DCDC1: variants seen among roughly 807,000 people sequenced by gnomAD.
DCDC1 encodes the protein doublecortin domain containing 1.
A neutral mutation model predicts 178.3 loss-of-function variants in DCDC1; 200 were observed. The observed-to-expected ratio is 1.12, with a 90% CI of 1.00 to 1.26. DCDC1 has a LOEUF of 1.26. DCDC1 is among the 50% of genes most tolerant of loss of function. The probability of loss-of-function intolerance (pLI) is 0.00; values close to 1 mark genes in which losing one functional copy is unlikely to be tolerated. For synonymous variants in DCDC1, 690 were observed against 604.8 expected (o/e 1.14, Z -2.07); for missense variants, 1,983 against 1,749.2 (o/e 1.13, Z -2.38).
chr11:31,204,782 A>C (rs926829047), intron 9 of DCDC1, among the ~76,000 whole-genome samples: 1 of 152,244 alleles, frequency 6.6e-6, no homozygotes, highest in African/African-American at 2.4e-5. Context: ...AGATTGTGCC[A>C]CTGCACTCTA....
At chr11:31,069,113 A>G (rs1956415625) in intron 18 of DCDC1, among the ~76,000 whole-genome samples, 1 of 152,046 alleles carries the variant, frequency 6.6e-6, no homozygotes, top group Admixed American at 6.6e-5. Flanking sequence ...GGCCTCCCAA[A>G]GTGCTGGGAT....
chr11:31,170,244 T>C (rs1315838369), intron 9 of DCDC1, among the ~76,000 whole-genome samples: 1 of 152,184 alleles, frequency 6.6e-6, no homozygotes, highest in African/African-American at 2.4e-5. Flanking sequence ...ACACATGGTG[T>C]ATGCTGATGT....
intron 20 of DCDC1, among the ~76,000 whole-genome samples, chr11:31,038,640 G>T (rs944889190): frequency 6.6e-6 from 1 of 152,122 alleles, no homozygotes; most frequent in Non-Finnish European, 1.5e-5. Flanking sequence ...AAATTATTTT[G>T]TTTGACCTGT....
chr11:31,119,292 A>G (rs1960451969), intron 11 of DCDC1, among the ~76,000 whole-genome samples: 1 of 152,238 alleles, frequency 6.6e-6, no homozygotes, highest in Non-Finnish European at 1.5e-5. Context: ...CAAAATCACA[A>G]TAACCTTGAA....
intron 22 of DCDC1, among the ~76,000 whole-genome samples, chr11:30,930,365 GAATTCTATTGATGATATTATAGA>G (rs1332729625): frequency 6.6e-6 from 1 of 152,070 alleles, no homozygotes; most frequent in Non-Finnish European, 1.5e-5. Context: ...AGGGGTGGGT[GAATTCTATTGATGATATTATAGA>G]ACACTTTCTG....
chr11:30,896,545 G>C (rs1489426119), intron 34 of DCDC1, among the ~76,000 whole-genome samples: 1 of 152,178 alleles, frequency 6.6e-6, no homozygotes, highest in African/African-American at 2.4e-5. Context: ...GTGTCTGCAA[G>C]GGTAAGCCCA....
At chr11:31,273,297 G>A (rs1003995048) in intron 7 of DCDC1, among the ~76,000 whole-genome samples, 3 of 152,112 alleles carry the variant, frequency 2.0e-5, no homozygotes, top group African/African-American at 4.8e-5. Context: ...TTTATGCTCT[G>A]CTTCCTTTAT....
intron 9 of DCDC1, among the ~76,000 whole-genome samples, chr11:31,210,462 C>T (rs1313067179): frequency 6.6e-6 from 1 of 152,004 alleles, no homozygotes; most frequent in Admixed American, 6.6e-5. Context: ...CCTGTAATCC[C>T]AGCACTTTGG....
rs1370422895 is a variant in DCDC1, at chr11:31,326,596, C to A, written c.164+1521G>T. On this transcript the variant is annotated intron_variant, in intron 3 of 38. Coordinates refer to ENST00000684477, the MANE Select transcript of DCDC1 (RefSeq NM_001387274.1). ...ACTTATGTCCCTACAATATAACACA[C>A]AGGGTATTCATTTTTTTAAAAGCTG... 2.6e-5 allele frequency among the ~76,000 whole-genome samples: 4 copies of A among 152,174 alleles called. No individual in the cohort carries two copies. The East Asian group carries it at 7.7e-4, about 29-fold the overall frequency.
At chr11:31,352,493 C>T (rs1038958671) in intron 1 of DCDC1, among the ~76,000 whole-genome samples, 4 of 152,100 alleles carry the variant, frequency 2.6e-5, no homozygotes, top group African/African-American at 9.7e-5. Context: ...TAAGAGCTTT[C>T]GACTATTGTA....
chr11:31,033,547 GT>G (rs1456980986), intron 20 of DCDC1, among the ~76,000 whole-genome samples: 1 of 151,700 alleles, frequency 6.6e-6, no homozygotes, highest in Non-Finnish European at 1.5e-5. Context: ...TTTATCTTAA[GT>G]TTTGGCTTAA....
intron 11 of DCDC1, among the ~76,000 whole-genome samples, chr11:31,115,686 C>G (rs1959796168): frequency 6.6e-6 from 1 of 152,006 alleles, no homozygotes; most frequent in East Asian, 1.9e-4. Flanking sequence ...TGAAACTGAC[C>G]CTGAGACCAA....
At chr11:31,332,782 G>A (rs999216611) in intron 2 of DCDC1, among the ~76,000 whole-genome samples, 7 of 152,140 alleles carry the variant, frequency 4.6e-5, no homozygotes, top group African/African-American at 1.7e-4. Context: ...ATTTGCTGAG[G>A]AGTGCTTTTA....
intron 37 of DCDC1, among the ~76,000 whole-genome samples, chr11:30,879,233 C>T (rs148171589): frequency 6.6e-6 from 1 of 152,218 alleles, no homozygotes; most frequent in East Asian, 1.9e-4. Flanking sequence ...TTTTGAAACT[C>T]CCAGACTGCT....
intron 1 of DCDC1, among the ~76,000 whole-genome samples, chr11:31,341,014 G>C (rs977366886): frequency 1.3e-5 from 2 of 152,168 alleles, no homozygotes; most frequent in Non-Finnish European, 2.9e-5. Flanking sequence ...ACCACTGGTT[G>C]ACTGATGAGT....
intron 20 of DCDC1, among the ~76,000 whole-genome samples, chr11:30,976,023 T>C (rs1022944045): frequency 1.3e-5 from 2 of 152,016 alleles, no homozygotes; most frequent in African/African-American, 4.8e-5. Context: ...AATGGACCAA[T>C]GAAGCAGAAA....
chr11:31,041,390 C>A (rs1954436713), intron 20 of DCDC1, among the ~76,000 whole-genome samples: 1 of 152,180 alleles, frequency 6.6e-6, no homozygotes, highest in South Asian at 2.1e-4. Flanking sequence ...AGTACTTAGT[C>A]ATTTATCAAG....
intron 20 of DCDC1, among the ~76,000 whole-genome samples, chr11:30,999,944 GA>G (rs1951479798): frequency 6.6e-6 from 1 of 152,094 alleles, no homozygotes; most frequent in Non-Finnish European, 1.5e-5. Flanking sequence ...TCCCCTTTAA[GA>G]ATGAAGTCAA....
In DCDC1 at chr11:30,881,301, TGCA is replaced by T; in HGVS notation, c.5087_5089del (p.Leu1696del). On this transcript the variant is annotated inframe_deletion, in exon 37 of 39. Transcript: ENST00000684477. ...CATTTTGAGACGAGAGGAGCAGTCT[TGCA>T]GCAGCTGAGACACAGAGGGACAGCC... The T allele has an allele frequency of 1.2e-6, 2 of 1,613,094 alleles. No individual in the cohort carries two copies. The highest frequency in any genetic ancestry group is 1.7e-6 in the Non-Finnish European group (2 of 1,179,402).
Sources: gnomAD v4.1 joint callset for allele counts (sites outside exome capture counted in the v4.1 genomes callset) on GRCh38, gnomAD v4.1.1 for gene constraint, MANE v1.5 for transcripts, NCBI Gene and HGNC (gene_info 2026-07-23, HGNC 2026-07-21) for gene names.